ARPP21: variants seen among roughly 807,000 people sequenced by gnomAD.
ARPP21 encodes the protein cAMP-regulated phosphoprotein 21.
In ARPP21, 69 loss-of-function variants were observed where a neutral mutation model predicts 113.2. That is an observed-to-expected ratio of 0.61 (90% CI 0.50 to 0.74). The LOEUF (loss-of-function observed/expected upper bound fraction) is 0.74. ARPP21 is among the 30% of genes least tolerant of loss of function. The probability of loss-of-function intolerance (pLI) is 0.00; values close to 1 mark genes in which losing one functional copy is unlikely to be tolerated. For synonymous variants in ARPP21, 368 were observed against 375.5 expected (o/e 0.98, Z 0.23); for missense variants, 1,070 against 1,037.4 (o/e 1.03, Z -0.43).
intron 19 of ARPP21, among the ~76,000 whole-genome samples, chr3:35,783,265 C>G (rs192779551): frequency 5.3e-4 from 80 of 152,180 alleles, no homozygotes; most frequent in Admixed American, 2.0e-3. Context: ...CAAATTTATG[C>G]CTTTAAGACA....
intron 1 of ARPP21, among the ~76,000 whole-genome samples, chr3:35,645,882 T>A (rs1232526633): frequency 1.3e-5 from 2 of 151,964 alleles, no homozygotes; most frequent in Non-Finnish European, 2.9e-5. Context: ...AAATAGTTTA[T>A]CCATGTTGAT....
intron 19 of ARPP21, among the ~76,000 whole-genome samples, chr3:35,757,571 A>G (rs2095617849): frequency 6.6e-6 from 1 of 152,094 alleles, no homozygotes. Context: ...AGAGAAGACA[A>G]TCCAAGTGGT....
intron 11 of ARPP21, 143 bp from the exon 12 acceptor site, chr3:35,715,296 C>T: frequency 1.5e-6 from 1 of 669,064 alleles, no homozygotes; most frequent in Admixed American, 2.8e-5. Context: ...AACCTTTTTC[C>T]TTTTTTATTT....
chr3:35,687,637 C>G (rs186244812), intron 5 of ARPP21, 102 bp from the exon 6 acceptor site: 1 of 1,078,026 alleles, frequency 9.3e-7, no homozygotes, highest in East Asian at 2.8e-5. Flanking sequence ...AAAATCTGCA[C>G]CTGGTTTTCA....
chr3:35,645,871 A>T (rs1228708293), intron 1 of ARPP21, among the ~76,000 whole-genome samples: 1 of 152,036 alleles, frequency 6.6e-6, no homozygotes, highest in Non-Finnish European at 1.5e-5. Flanking sequence ...ACACTAAAAA[A>T]AAATAGTTTA....
intron 19 of ARPP21, among the ~76,000 whole-genome samples, chr3:35,759,045 A>G (rs1168740169): frequency 6.6e-6 from 1 of 152,094 alleles, no homozygotes; most frequent in Non-Finnish European, 1.5e-5. Context: ...AGTGACCTCT[A>G]TGAAAAGTAA....
chr3:35,696,626 T>C (rs923990962), intron 9 of ARPP21, among the ~76,000 whole-genome samples: 2 of 151,538 alleles, frequency 1.3e-5, no homozygotes, highest in African/African-American at 4.8e-5. Flanking sequence ...TGGAATTTTT[T>C]GTCAGCTGTC....
chr3:35,746,664 A>G, intron 19 of ARPP21, among the ~76,000 whole-genome samples: 1 of 152,210 alleles, frequency 6.6e-6, no homozygotes, highest in Non-Finnish European at 1.5e-5. Context: ...ATCCTCAGCT[A>G]TCACGTGGTT....
intron 11 of ARPP21, among the ~76,000 whole-genome samples, chr3:35,714,537 G>T (rs982435663): frequency 6.6e-6 from 1 of 152,190 alleles, no homozygotes; most frequent in Non-Finnish European, 1.5e-5. Flanking sequence ...ATAGCAGGAT[G>T]TGTATTTATT....
intron 1 of ARPP21, among the ~76,000 whole-genome samples, chr3:35,670,286 A>G (rs1263567818): frequency 3.3e-5 from 5 of 152,140 alleles, no homozygotes; most frequent in African/African-American, 1.2e-4. Context: ...AGAGTCCATC[A>G]TGCAGATGTT....
intron 19 of ARPP21, among the ~76,000 whole-genome samples, chr3:35,769,600 A>G (rs1576843889): frequency 6.6e-6 from 1 of 152,174 alleles, no homozygotes; most frequent in African/African-American, 2.4e-5. Context: ...TTGCTGAGAT[A>G]CCCTGTGGCT....
chr3:35,681,685 C>T, intron 2 of ARPP21, 29 bp from the exon 3 acceptor site: 1 of 1,268,240 alleles, frequency 7.9e-7, no homozygotes, highest in Non-Finnish European at 1.1e-6. Context: ...CTTGCACTGA[C>T]TTTATTTTCT....
At chr3:35,663,963 T>C (rs67942698) in intron 1 of ARPP21, among the ~76,000 whole-genome samples, 17,310 of 152,222 alleles carry the variant, frequency 0.11, 1,037 homozygotes, top group South Asian at 0.14. Context: ...GAGGGTCCTC[T>C]TGGAAATTGT....
At chr3:35,678,414 G>T (rs2078046499) in intron 1 of ARPP21, among the ~76,000 whole-genome samples, 1 of 151,894 alleles carries the variant, frequency 6.6e-6, no homozygotes, top group Admixed American at 6.6e-5. Context: ...TAATTTTTAA[G>T]ACACGATGAT....
intron 1 of ARPP21, among the ~76,000 whole-genome samples, chr3:35,654,815 A>G (rs981003446): frequency 5.3e-5 from 8 of 152,132 alleles, no homozygotes; most frequent in South Asian, 2.1e-4. Flanking sequence ...CATAGTAGGT[A>G]TAATAAACAT....
At chr3:35,739,228 C>A in intron 17 of ARPP21, 89 bp from the exon 18 acceptor site, 1 of 1,460,702 alleles carries the variant, frequency 6.8e-7, no homozygotes, top group East Asian at 2.3e-5. Context: ...CCCACAACTC[C>A]AAGAATGTGT....
chr3:35,708,900 C>A, intron 10 of ARPP21, 69 bp from the exon 11 acceptor site: 2 of 978,590 alleles, frequency 2.0e-6, no homozygotes, highest in South Asian at 1.4e-5. Context: ...TCTTAGCTGA[C>A]AGTTGCTTAA....
intron 11 of ARPP21, among the ~76,000 whole-genome samples, chr3:35,712,897 G>C (rs1005274191): frequency 2.6e-5 from 4 of 152,104 alleles, no homozygotes; most frequent in Non-Finnish European, 5.9e-5. Flanking sequence ...AGGTTAAATT[G>C]ATAAAGCAAT....
chr3:35,695,471 CTT>C (rs749558923), intron 9 of ARPP21, among the ~76,000 whole-genome samples: 5 of 151,468 alleles, frequency 3.3e-5, no homozygotes, highest in Non-Finnish European at 7.4e-5. Context: ...GGGGGAATAA[CTT>C]CAGAATCTCA....
Sources: gnomAD v4.1 joint callset for allele counts (sites outside exome capture counted in the v4.1 genomes callset) on GRCh38, gnomAD v4.1.1 for gene constraint, MANE v1.5 for transcripts, NCBI Gene and HGNC (gene_info 2026-07-23, HGNC 2026-07-21) for gene names.